The following BAHCC1 variants were observed in gnomAD, a reference collection of about 807,000 sequenced individuals.
BAHCC1 encodes the protein BAH domain and coiled-coil containing 1.
In BAHCC1, 43 loss-of-function variants were observed where a neutral mutation model predicts 88.2. The ratio of observed to expected loss-of-function variants is 0.49; its 90% CI spans 0.38 to 0.63. BAHCC1 has a LOEUF of 0.63. Ranked by LOEUF, BAHCC1 falls within the 20% of genes least tolerant of loss-of-function variation. BAHCC1 has a pLI of 0.00. For missense variants in BAHCC1, 3,023 were observed against 1,654.8 expected (o/e 1.83, Z -14.34); for synonymous variants, 1,510 against 745.5 (o/e 2.03, Z -16.71).
At chr17:81,425,245 A>G in intron 2 of BAHCC1, among the ~76,000 whole-genome samples, 1 of 25,338 alleles carries the variant, frequency 3.9e-5, no homozygotes, top group African/African-American at 1.6e-4. Flanking sequence ...GTTGGGGGTG[A>G]TAGTGGTGAT....
chr17:81,461,850 C>T lies in BAHCC1; in HGVS notation c.7187C>T (p.Thr2396Met), dbSNP rs782737689. Residue 2396 changes from threonine to methionine, a missense_variant, in exon 26 of 28, where the codon ACG becomes ATG. Physicochemically the swap from Thr to Met is moderately conservative, Grantham distance 81. Transcript: ENST00000675386. ...CAGCGCTGCTTCCTGTCCAGGGCCACGGTGGCTGGCACCGGTGCGGGCTCA... is the reference window on the plus strand; with the variant it reads ...CAGCGCTGCTTCCTGTCCAGGGCCATGGTGGCTGGCACCGGTGCGGGCTCA... The part of the protein sequence containing the change: ...HAQRCFLSRA[T>M]VAGTGAGSGP... The T allele has an allele frequency of 3.7e-5, 27 of 720,540 alleles. No homozygotes were observed. Among genetic ancestry groups the T allele is most frequent in the Non-Finnish European group, 6.2e-5 (24 of 387,184 alleles). The allele number at this position is 720,540 out of a possible 1,614,324, so 44.6% of individuals were successfully genotyped here. A position where few individuals can be genotyped will look rare whatever the true frequency, so the allele number is the denominator to read the frequency against.
chr17:81,410,836 CG>C (rs1567997472), intron 2 of BAHCC1, among the ~76,000 whole-genome samples: 2 of 151,130 alleles, frequency 1.3e-5, no homozygotes, highest in South Asian at 2.1e-4. Flanking sequence ...AGTCTCGGGG[CG>C]GGGGTGGGGG....
At chr17:81,417,026 G>C (rs925681609) in intron 2 of BAHCC1, among the ~76,000 whole-genome samples, 9 of 152,164 alleles carry the variant, frequency 5.9e-5, no homozygotes, top group Non-Finnish European at 1.2e-4. Flanking sequence ...ACATGTCCAG[G>C]GTCAGGGCAG....
At chr17:81,418,766 C>T (rs1283333072) in intron 2 of BAHCC1, among the ~76,000 whole-genome samples, 7 of 140,086 alleles carry the variant, frequency 5.0e-5, no homozygotes, top group Non-Finnish European at 7.9e-5. Flanking sequence ...TGTGTGTGTA[C>T]GTGTGTGTAC....
Position 81,462,878 on chromosome 17 carries a change from A to G in BAHCC1, c.7522A>G (p.Ser2508Gly). 2 of 784,884 alleles carry G rather than the reference A, an allele frequency of 2.5e-6. No homozygotes were observed. Among genetic ancestry groups the G allele is most frequent in the East Asian group, 4.8e-5 (2 of 41,260 alleles). The allele number at this position is 784,884 out of a possible 1,614,324, so 48.6% of individuals were successfully genotyped here. Residue 2508 changes from serine to glycine, a missense_variant, in exon 27 of 28, where the codon AGC (serine) becomes GGC (glycine). Transcript: ENST00000675386. ...CCTCCCCTACATCGGCCGCATCGAG[A>G]GCATGTGGGAGTCGTGGGGCAGCAA... is the stretch of plus-strand genomic sequence containing the variant. Reference protein sequence around the residue: ...PNLPYIGRIESMWESWGSNMV... With the variant: ...PNLPYIGRIEGMWESWGSNMV...
intron 2 of BAHCC1, chr17:81,422,691 A>G (rs782439783): frequency 5.6e-6 from 2 of 355,006 alleles, no homozygotes; most frequent in Non-Finnish European, 1.1e-5. Context: ...TCCTGCCCCC[A>G]CCTGATGTGG....
At chr17:81,439,402 G>T (rs1555652182) in intron 4 of BAHCC1, among the ~76,000 whole-genome samples, 1 of 151,978 alleles carries the variant, frequency 6.6e-6, no homozygotes, top group African/African-American at 2.4e-5. Context: ...GGATAGAGGG[G>T]TCTAGGTGGC....
chr17:81,441,788 C>A (rs782576981), intron 4 of BAHCC1, 43 bp from the exon 5 acceptor site: 2 of 520,738 alleles, frequency 3.8e-6, no homozygotes, highest in South Asian at 4.0e-5. Flanking sequence ...TCTCCAGCCT[C>A]ACCCCTAAGG....
intron 14 of BAHCC1, among the ~76,000 whole-genome samples, chr17:81,454,554 A>ACCCCC (rs1568030970): frequency 1.3e-5 from 1 of 77,366 alleles, no homozygotes; most frequent in Admixed American, 1.3e-4. Flanking sequence ...ACCCCACCCC[A>ACCCCC]CCCACCTGCC....
intron 6 of BAHCC1, 175 bp from the exon 7 acceptor site, chr17:81,444,206 C>T (rs1181591170): frequency 1.6e-6 from 1 of 607,244 alleles, no homozygotes. Flanking sequence ...TTTCCCTGAG[C>T]CTCCAGGTCC....
At chr17:81,446,454 G>A (rs986623189) in intron 10 of BAHCC1, among the ~76,000 whole-genome samples, 4 of 147,430 alleles carry the variant, frequency 2.7e-5, no homozygotes, top group Non-Finnish European at 6.0e-5. Flanking sequence ...AGCCCCGGCA[G>A]CCAGGGTTGT....
intron 2 of BAHCC1, among the ~76,000 whole-genome samples, chr17:81,424,904 TG>T (rs1177727278): frequency 6.1e-5 from 9 of 146,912 alleles, no homozygotes; most frequent in South Asian, 4.4e-4. Context: ...ATGTGGTTGG[TG>T]GTGATGTGGT....
At chr17:81,397,412 A>AG (rs1491475891) in intron 1 of BAHCC1, among the ~76,000 whole-genome samples, 1 of 149,652 alleles carries the variant, frequency 6.7e-6, no homozygotes, top group Non-Finnish European at 1.5e-5. Flanking sequence ...AAAAAAAAAA[A>AG]CAACCACAAA....
chr17:81,401,402 TCTC>T (rs1555646031), intron 2 of BAHCC1: 1 of 152,674 alleles, frequency 6.5e-6, no homozygotes, highest in African/African-American at 2.4e-5. Context: ...CTTTCTTTTT[TCTC>T]CTCTAGATTT....
intron 2 of BAHCC1, among the ~76,000 whole-genome samples, chr17:81,404,912 T>C (rs782221971): frequency 2.0e-4 from 31 of 152,222 alleles, no homozygotes; most frequent in Admixed American, 3.3e-4. Context: ...TCATCCTGGG[T>C]GGTTTGGTTG....
intron 2 of BAHCC1, among the ~76,000 whole-genome samples, chr17:81,415,989 T>G (rs949018216): frequency 5.9e-5 from 9 of 151,966 alleles, no homozygotes; most frequent in African/African-American, 2.2e-4. Context: ...CGTGTGTCCA[T>G]GAGGATGGGT....
rs573557668 is a variant in BAHCC1 at position 81,458,506 on chromosome 17, T to C, written c.5343+40T>C. ...TGGGGTGCTGGGCGGAGAGGGTGGG[T>C]GCCTGTGAGGAAAGGCCTTCCCCGC... On this transcript the variant is annotated intron_variant, in intron 18 of 27. Coordinates refer to ENST00000675386, the MANE Select transcript of BAHCC1 (RefSeq NM_001377448.1). 7.5e-6 allele frequency: 5 copies of C among 666,684 alleles called. No homozygotes were observed. In the South Asian group the frequency reaches 8.2e-5, roughly 11 times the overall value. 41.3% of individuals were successfully genotyped at this position (666,684 alleles called of 1,614,324 possible).
intron 3 of BAHCC1, among the ~76,000 whole-genome samples, chr17:81,436,916 T>C (rs2064345152): frequency 6.6e-6 from 1 of 152,338 alleles, no homozygotes; most frequent in Non-Finnish European, 1.5e-5. Flanking sequence ...CGACTCCAAA[T>C]GGGACGTGTG....
Position 81,460,541 on chromosome 17 carries a change from T to C in BAHCC1, c.6037T>C (p.Ser2013Pro). The C allele has an allele frequency of 1.3e-6, 1 of 752,624 alleles. No homozygotes were observed. Among genetic ancestry groups the C allele is most frequent in the Non-Finnish European group, 2.5e-6 (1 of 404,784 alleles). The allele number at this position is 752,624 out of a possible 1,614,324, so 46.6% of individuals were successfully genotyped here. Residue 2013 changes from serine to proline, a missense_variant, in exon 25 of 28, where the codon TCT (serine) becomes CCT (proline). Transcript: ENST00000675386. Reference protein sequence around the residue: ...PDFKIQCTEPSPALLVSSSCR... With the variant: ...PDFKIQCTEPPPALLVSSSCR... ...CATGCTATCCACAGGCACAGAGCCCTCTCCAGCCCTGCTAGTGTCTAGCAG... is the reference window on the plus strand; with the variant it reads ...CATGCTATCCACAGGCACAGAGCCCCCTCCAGCCCTGCTAGTGTCTAGCAG...
Sources: allele counts gnomAD v4.1 joint callset (sites outside exome capture counted in the v4.1 genomes callset), GRCh38; gene constraint gnomAD v4.1.1; transcripts MANE v1.5; gene names NCBI Gene and HGNC (gene_info 2026-07-23, HGNC 2026-07-21).